The following CTNND2 variants were observed in gnomAD, a reference collection of about 807,000 sequenced individuals.
The protein encoded by CTNND2 is catenin delta-2.
CTNND2 carries 22 observed loss-of-function variants against 144.4 expected under a neutral mutation model. The observed-to-expected ratio is 0.15, with a 90% CI of 0.11 to 0.22. The LOEUF is 0.22. Ranked by LOEUF, CTNND2 falls within the 10% of genes least tolerant of loss-of-function variation. The probability of loss-of-function intolerance (pLI) is 1.00; values close to 1 mark genes in which losing one functional copy is unlikely to be tolerated. For missense variants in CTNND2, 1,353 were observed against 1,618.8 expected, an observed-to-expected ratio of 0.84 and a Z score of 2.82; for synonymous variants, 751 against 695.6, an observed-to-expected ratio of 1.08 and a Z score of -1.25.
At chr5:11,015,705 A>T (rs1231819641) in intron 18 of CTNND2, among the ~76,000 whole-genome samples, 1 of 152,230 alleles carries the variant, frequency 6.6e-6, no homozygotes, top group African/African-American at 2.4e-5. Flanking sequence ...CAAACAGGAA[A>T]CGTTCAGGAT....
intron 2 of CTNND2, among the ~76,000 whole-genome samples, chr5:11,730,779 T>C (rs1003075394): frequency 6.6e-6 from 1 of 152,220 alleles, no homozygotes; most frequent in Non-Finnish European, 1.5e-5. Flanking sequence ...TTTATGTCCT[T>C]GTGATAAAAC....
chr5:11,167,545 C>T (rs1759458543), intron 11 of CTNND2, among the ~76,000 whole-genome samples: 1 of 152,252 alleles, frequency 6.6e-6, no homozygotes, highest in Non-Finnish European at 1.5e-5. Context: ...TTATAAGATA[C>T]AGCCATCAAT....
At chr5:11,124,566 A>G (rs1754478550) in intron 12 of CTNND2, among the ~76,000 whole-genome samples, 1 of 152,222 alleles carries the variant, frequency 6.6e-6, no homozygotes, top group Non-Finnish European at 1.5e-5. Context: ...TAAATATTTC[A>G]GGCTTTGCGG....
intron 1 of CTNND2, among the ~76,000 whole-genome samples, chr5:11,759,693 G>T (rs1020229732): frequency 2.6e-5 from 4 of 152,092 alleles, no homozygotes; most frequent in East Asian, 1.9e-4. Context: ...AAGTTAAAGA[G>T]AAATTTTTAC....
chr5:11,566,009 G>T lies in CTNND2; in HGVS notation c.175-953C>A, dbSNP rs1435096571. ...TTTCTCATACTGAAAAATAGCTCAG[G>T]AGTCAGTTTTGGAGAATTTAAACTC... is the stretch of plus-strand genomic sequence containing the variant. On this transcript the variant is annotated intron_variant, in intron 2 of 21. Transcript: ENST00000304623. Among the ~76,000 whole-genome samples the T allele has an allele frequency of 2.6e-5, 4 of 152,272 alleles. No individual in the cohort carries two copies. In the East Asian group the frequency reaches 7.7e-4, roughly 29 times the overall value.
intron 10 of CTNND2, among the ~76,000 whole-genome samples, chr5:11,218,451 GT>G (rs1739446331): frequency 6.6e-6 from 1 of 152,100 alleles, no homozygotes; most frequent in Non-Finnish European, 1.5e-5. Flanking sequence ...CTACATAAAA[GT>G]TTTGGGCCAT....
intron 11 of CTNND2, among the ~76,000 whole-genome samples, chr5:11,175,945 T>C (rs1182321991): frequency 1.3e-5 from 2 of 152,230 alleles, no homozygotes; most frequent in Admixed American, 6.5e-5. Context: ...CTCCTTCCCA[T>C]GCGCATTCCT....
intron 2 of CTNND2, among the ~76,000 whole-genome samples, chr5:11,629,803 G>C (rs930530629): frequency 3.3e-5 from 5 of 151,864 alleles, no homozygotes; most frequent in African/African-American, 4.8e-5. Flanking sequence ...CCCAAGTGCT[G>C]GAATTACAGG....
intron 3 of CTNND2, among the ~76,000 whole-genome samples, chr5:11,414,962 G>C (rs1201508635): frequency 6.6e-6 from 1 of 152,078 alleles, no homozygotes; most frequent in Admixed American, 6.5e-5. Context: ...AGTATTCCAT[G>C]GTGTATATGT....
chr5:11,232,770 C>T (rs1221551166), intron 10 of CTNND2, among the ~76,000 whole-genome samples: 1 of 152,166 alleles, frequency 6.6e-6, no homozygotes, highest in Non-Finnish European at 1.5e-5. Flanking sequence ...AATGTCAGGA[C>T]ATGAGACTTG....
intron 3 of CTNND2, among the ~76,000 whole-genome samples, chr5:11,490,578 T>G (rs1769292952): frequency 6.6e-6 from 1 of 152,118 alleles, no homozygotes; most frequent in Non-Finnish European, 1.5e-5. Flanking sequence ...TGACTACAAA[T>G]GTTGGCCTTA....
chr5:11,241,981 G>A lies in CTNND2; in HGVS notation c.1629-5158C>T, dbSNP rs529807108. On this transcript the variant is annotated intron_variant, in intron 9 of 21. Coordinates refer to ENST00000304623, the MANE Select transcript of CTNND2 (RefSeq NM_001332.4). ...GAGCCATTCAGCATGTCTGGGGCAT[G>A]GCTCTGAAGGGGATGGGGGCCTCCA... Among the ~76,000 whole-genome samples, 53 of 152,078 alleles carry A rather than the reference G, an allele frequency of 3.5e-4. 2 individuals are homozygous for A. The South Asian group carries it at 0.011, about 30-fold the overall frequency.
intron 10 of CTNND2, among the ~76,000 whole-genome samples, chr5:11,235,761 C>T (rs1345678990): frequency 6.6e-6 from 1 of 152,116 alleles, no homozygotes; most frequent in African/African-American, 2.4e-5. Flanking sequence ...AAACATGGAC[C>T]ATGTTCTTTG....
chr5:11,900,750 T>C (rs1365820202), intron 1 of CTNND2, among the ~76,000 whole-genome samples: 2 of 152,192 alleles, frequency 1.3e-5, no homozygotes, highest in African/African-American at 2.4e-5. Context: ...TGGCAGTGTA[T>C]TTCCAACTTG....
chr5:11,437,562 A>AT, intron 3 of CTNND2, among the ~76,000 whole-genome samples: 1 of 152,300 alleles, frequency 6.6e-6, no homozygotes, highest in Admixed American at 6.5e-5. Context: ...GAGGGGAGTA[A>AT]ATAAGGGATA....
intron 1 of CTNND2, among the ~76,000 whole-genome samples, chr5:11,852,964 T>C (rs2127007937): frequency 6.6e-6 from 1 of 152,316 alleles, no homozygotes; most frequent in Non-Finnish European, 1.5e-5. Flanking sequence ...TGTGTCTCTC[T>C]TTTGATGTTT....
rs73057704 is a variant in CTNND2 at position 11,620,999 on chromosome 5, A to C, written c.175-55943T>G. On this transcript the variant is annotated intron_variant, in intron 2 of 21. Transcript: ENST00000304623. The stretch of plus-strand genomic sequence containing the variant: ...TGTCTGTCTCATGCCAGAGATCAAG[A>C]ATAGTTGTAGGTCCTGGCTCACTGC... Among the ~76,000 whole-genome samples, 1,094 of 152,304 alleles carry C rather than the reference A, an allele frequency of 7.2e-3. 14 individuals are homozygous for C. The highest frequency in any genetic ancestry group is 0.025 in the African/African-American group (1,039 of 41,576).
intron 2 of CTNND2, among the ~76,000 whole-genome samples, chr5:11,610,710 T>C (rs1339968303): frequency 6.6e-6 from 1 of 152,218 alleles, no homozygotes; most frequent in African/African-American, 2.4e-5. Flanking sequence ...GAGAGTTCTA[T>C]TTATCTCTAA....
intron 10 of CTNND2, among the ~76,000 whole-genome samples, chr5:11,220,943 A>C (rs1739728708): frequency 6.6e-6 from 1 of 152,254 alleles, no homozygotes; most frequent in Non-Finnish European, 1.5e-5. Context: ...ATTAAATGCA[A>C]ATAACAAAAG....
Sources: allele counts gnomAD v4.1 joint callset (sites outside exome capture counted in the v4.1 genomes callset), GRCh38; gene constraint gnomAD v4.1.1; transcripts MANE v1.5; gene names NCBI Gene and HGNC (gene_info 2026-07-23, HGNC 2026-07-21).